The following TMEM178B variants were observed in gnomAD, a reference collection of about 807,000 sequenced individuals.
TMEM178B encodes the protein transmembrane protein 178B.
Under a neutral mutation model 31.0 loss-of-function variants are expected in TMEM178B, and 5 were observed. The ratio of observed to expected loss-of-function variants is 0.16; its 90% CI spans 0.08 to 0.34. The LOEUF (loss-of-function observed/expected upper bound fraction) is 0.34. Ranked by LOEUF, TMEM178B falls within the 10% of genes least tolerant of loss-of-function variation. The pLI, the probability that TMEM178B is intolerant of heterozygous loss-of-function variation, is 1.00. For missense variants in TMEM178B, 275 were observed against 400.3 expected, an observed-to-expected ratio of 0.69 and a Z score of 2.67; for synonymous variants, 164 against 164.0, an observed-to-expected ratio of 1.00 and a Z score of 0.00.
chr7:141,117,458 T>C (rs1795337126), intron 1 of TMEM178B, among the ~76,000 whole-genome samples: 1 of 152,214 alleles, frequency 6.6e-6, no homozygotes, highest in African/African-American at 2.4e-5. Flanking sequence ...TTCTGTAGGT[T>C]GCCTGTTCAC....
chr7:141,491,213 A>G, the TMEM178B span, among the ~76,000 whole-genome samples: 1 of 152,038 alleles, frequency 6.6e-6, no homozygotes, highest in East Asian at 1.9e-4. Flanking sequence ...TTTAATTTTT[A>G]GTAGAGATGG....
chr7:141,232,017 G>A (rs1339948343), intron 2 of TMEM178B, among the ~76,000 whole-genome samples: 3 of 152,052 alleles, frequency 2.0e-5, no homozygotes, highest in East Asian at 3.9e-4. Context: ...GTTTCCATGT[G>A]TTCTCATCGT....
chr7:141,359,034 A>G (rs1799871733), intron 2 of TMEM178B, among the ~76,000 whole-genome samples: 1 of 152,216 alleles, frequency 6.6e-6, no homozygotes, highest in South Asian at 2.1e-4. Context: ...TGATGAAACC[A>G]TTGCTTTGAT....
chr7:141,175,646 G>T (rs563704397), intron 1 of TMEM178B, among the ~76,000 whole-genome samples: 87 of 152,216 alleles, frequency 5.7e-4, no homozygotes, highest in African/African-American at 1.9e-3. Flanking sequence ...GTTGAGCATT[G>T]GTTTGTAGTT....
Position 141,228,741 on chromosome 7 carries a change from TC to T in TMEM178B, c.496+16041del, listed in dbSNP as rs1245606157. Among the ~76,000 whole-genome samples the T allele has an allele frequency of 2.6e-5, 4 of 152,238 alleles. No individual in the cohort carries two copies. The East Asian group carries it at 7.7e-4, about 29-fold the overall frequency. On this transcript the variant is annotated intron_variant, in intron 2 of 3. Transcript: ENST00000565468. ...AGCAGTGGAGGAGCAGCCAGCTGTCTCCCCGGCTTGTATCATTTTCCTCCAT... is the reference window on the plus strand; with the variant it reads ...AGCAGTGGAGGAGCAGCCAGCTGTCTCCCGGCTTGTATCATTTTCCTCCAT...
chr7:141,437,109 G>T (rs1801559479), intron 2 of TMEM178B, among the ~76,000 whole-genome samples: 1 of 152,134 alleles, frequency 6.6e-6, no homozygotes, highest in African/African-American at 2.4e-5. Context: ...AGCCTGGCAG[G>T]TGCAGCCTGA....
chr7:141,254,382 C>G (rs934592192), intron 2 of TMEM178B, among the ~76,000 whole-genome samples: 1 of 152,172 alleles, frequency 6.6e-6, no homozygotes, highest in Non-Finnish European at 1.5e-5. Flanking sequence ...CTGCCCTCCT[C>G]GGCTTGTCTC....
chr7:141,265,782 T>G (rs754865481), intron 2 of TMEM178B, among the ~76,000 whole-genome samples: 4 of 152,224 alleles, frequency 2.6e-5, no homozygotes, highest in Non-Finnish European at 5.9e-5. Context: ...ATTTGTAGTT[T>G]AAGGTAAACT....
chr7:141,435,128 G>A (rs1314751060), intron 2 of TMEM178B, among the ~76,000 whole-genome samples: 1 of 149,890 alleles, frequency 6.7e-6, no homozygotes, highest in Non-Finnish European at 1.5e-5. Flanking sequence ...ATACACTGGG[G>A]GAAGGACATC....
chr7:141,390,218 G>A (rs534372119), intron 2 of TMEM178B, among the ~76,000 whole-genome samples: 1 of 152,148 alleles, frequency 6.6e-6, no homozygotes, highest in African/African-American at 2.4e-5. Flanking sequence ...CTCTCTCTGC[G>A]ACCTTCCTTC....
At chr7:141,210,291 C>T (rs1433286438) in intron 1 of TMEM178B, among the ~76,000 whole-genome samples, 1 of 152,008 alleles carries the variant, frequency 6.6e-6, no homozygotes, top group East Asian at 1.9e-4. Flanking sequence ...ACGGAGAAAC[C>T]CCATCTCTAC....
chr7:141,445,292 T>C (rs1385416832), intron 3 of TMEM178B, among the ~76,000 whole-genome samples: 1 of 152,174 alleles, frequency 6.6e-6, no homozygotes, highest in African/African-American at 2.4e-5. Flanking sequence ...AAGACCTTCA[T>C]GGAGGCCTGG....
chr7:141,079,528 T>C (rs1290247236), intron 1 of TMEM178B, among the ~76,000 whole-genome samples: 1 of 152,204 alleles, frequency 6.6e-6, no homozygotes, highest in East Asian at 1.9e-4. Flanking sequence ...AATTTAAGTA[T>C]ATCATTCTAC....
intron 2 of TMEM178B, among the ~76,000 whole-genome samples, chr7:141,429,281 A>G (rs1288806142): frequency 6.7e-6 from 1 of 149,684 alleles, no homozygotes; most frequent in African/African-American, 2.5e-5. Context: ...GTGTCAACCA[A>G]TGGATGAATG....
chr7:141,242,655 C>T (rs909166055), intron 2 of TMEM178B, among the ~76,000 whole-genome samples: 2 of 151,576 alleles, frequency 1.3e-5, no homozygotes, highest in African/African-American at 4.9e-5. Flanking sequence ...GATTCTCCTG[C>T]CTCAGCTCCC....
intron 2 of TMEM178B, among the ~76,000 whole-genome samples, chr7:141,309,409 A>G (rs191179562): frequency 5.4e-4 from 82 of 152,344 alleles, no homozygotes; most frequent in African/African-American, 1.8e-3. Context: ...TGTTCATTGT[A>G]GACATTTGGA....
At chr7:141,211,092 C>CT (rs1046157683) in intron 1 of TMEM178B, among the ~76,000 whole-genome samples, 1 of 151,992 alleles carries the variant, frequency 6.6e-6, no homozygotes, top group Non-Finnish European at 1.5e-5. Flanking sequence ...TGGTAGACTC[C>CT]TTTTTCAACA....
In TMEM178B at chr7:141,128,302, G is replaced by C. The variant is rs573966814; in HGVS notation, c.382+53610G>C. On this transcript the variant is annotated intron_variant, in intron 1 of 3. Transcript: ENST00000565468. ...TGCTTGCTTGGCCTTAGGAGGAATT[G>C]TTGGCCTTCCCAAGTCTCTTTTCTC... Among the ~76,000 whole-genome samples the C allele has an allele frequency of 6.6e-4, 100 of 152,282 alleles. 2 individuals carry two copies. Among genetic ancestry groups the C allele is most frequent in the Non-Finnish European group, 1.1e-3 (72 of 68,030 alleles).
chr7:141,487,741 CAAAAAAAAAAAAAAAA>C, the TMEM178B span, among the ~76,000 whole-genome samples: 1 of 30,250 alleles, frequency 3.3e-5, no homozygotes, highest in Non-Finnish European at 8.4e-5. Flanking sequence ...GACTCCGTCT[CAAAAAAAAAAAAAAAA>C]AAAAAAAAAA....
Sources: allele counts gnomAD v4.1 joint callset (sites outside exome capture counted in the v4.1 genomes callset), GRCh38; gene constraint gnomAD v4.1.1; transcripts MANE v1.5; gene names NCBI Gene and HGNC (gene_info 2026-07-23, HGNC 2026-07-21).